The following BUB1B variants were observed in gnomAD, a reference collection of about 807,000 sequenced individuals.
BUB1B encodes the protein BUB1 mitotic checkpoint serine/threonine kinase B, also known as mitotic checkpoint serine/threonine-protein kinase BUB1 beta.
In BUB1B, 86 loss-of-function variants were observed where a neutral mutation model predicts 137.7. The ratio of observed to expected loss-of-function variants is 0.62; its 90% CI spans 0.52 to 0.75. The LOEUF is 0.75. Among genes scored for constraint, BUB1B ranks in the 30% least tolerant of loss-of-function variants. The probability of loss-of-function intolerance (pLI) is 0.00; values close to 1 mark genes in which losing one functional copy is unlikely to be tolerated. For synonymous variants in BUB1B, 420 were observed against 417.9 expected (o/e 1.00, Z -0.06); for missense variants, 1,130 against 1,236.9 (o/e 0.91, Z 1.30).
chr15:40,197,064 C>A (rs1450957835), intron 9 of BUB1B, among the ~76,000 whole-genome samples: 1 of 152,088 alleles, frequency 6.6e-6, no homozygotes, highest in East Asian at 1.9e-4. Flanking sequence ...ACTGTATGAA[C>A]AATTTATATT....
intron 20 of BUB1B, among the ~76,000 whole-genome samples, chr15:40,216,696 G>A (rs2140910678): frequency 6.6e-6 from 1 of 151,166 alleles, no homozygotes; most frequent in South Asian, 2.1e-4. Flanking sequence ...CTGTGCCGTG[G>A]AGGTATGTAA....
At chr15:40,196,470 T>C in intron 8 of BUB1B, 75 bp from the exon 9 acceptor site, 3 of 1,344,360 alleles carry the variant, frequency 2.2e-6, no homozygotes, top group South Asian at 2.4e-5. Context: ...GTAAATTATT[T>C]TTAGCTTCTT....
At chr15:40,219,326 A>T (rs908517860) in intron 22 of BUB1B, among the ~76,000 whole-genome samples, 2 of 152,200 alleles carry the variant, frequency 1.3e-5, no homozygotes, top group Non-Finnish European at 2.9e-5. Flanking sequence ...AGTGGATAGA[A>T]CCAAACCAGA....
At chr15:40,218,646 T>C in intron 22 of BUB1B, 84 bp downstream of exon 22, 2 of 1,029,438 alleles carry the variant, frequency 1.9e-6, no homozygotes, top group East Asian at 2.5e-5. Flanking sequence ...TTGGCAGCCT[T>C]AGTTTTTTAA....
At chr15:40,176,743 A>G in intron 5 of BUB1B, 70 bp downstream of exon 5, 1 of 1,510,566 alleles carries the variant, frequency 6.6e-7, no homozygotes, top group Non-Finnish European at 9.1e-7. Context: ...TTTGCATCTG[A>G]ATAAAGTGCT....
chr15:40,168,315 C>A (rs988894036), intron 2 of BUB1B, among the ~76,000 whole-genome samples: 1 of 151,344 alleles, frequency 6.6e-6, no homozygotes, highest in Non-Finnish European at 1.5e-5. Context: ...TGCAGTGAGC[C>A]GAGATTGTGC....
intron 6 of BUB1B, among the ~76,000 whole-genome samples, chr15:40,184,102 A>G (rs766521802): frequency 2.6e-5 from 4 of 152,190 alleles, no homozygotes; most frequent in Admixed American, 6.5e-5. Flanking sequence ...ACATTTAGGA[A>G]GCATCAAGAT....
chr15:40,184,312 CT>C (rs566826994), intron 6 of BUB1B, among the ~76,000 whole-genome samples: 294 of 144,406 alleles, frequency 2.0e-3, no homozygotes, highest in African/African-American at 1.8e-3. Flanking sequence ...TTAACATGGA[CT>C]TTTTTTTTTT....
At chr15:40,201,904 C>T (rs764390901) in intron 12 of BUB1B, among the ~76,000 whole-genome samples, 3 of 152,016 alleles carry the variant, frequency 2.0e-5, no homozygotes, top group Admixed American at 6.6e-5. Flanking sequence ...CTCCTGACCT[C>T]GTGATCCGCC....
Position 40,213,344 on chromosome 15 carries a change from C to G in BUB1B, c.2548C>G (p.His850Asp). The change falls in exon 20 of 23, where the codon CAC becomes GAC. Residue 850 changes from histidine (H) to aspartate (D), a missense_variant. His to Asp is a moderately conservative substitution (Grantham distance 81, BLOSUM62 -1). Coordinates refer to ENST00000287598, the MANE Select transcript of BUB1B (RefSeq NM_001211.6). ...CTTCAATTTCCAGGATCTTCTCCAACACAGTGAATATATTACCCATGAAAT... is the reference window on the plus strand; with the variant it reads ...CTTCAATTTCCAGGATCTTCTCCAAGACAGTGAATATATTACCCATGAAAT... ...NCFTLQDLLQ[H>D]SEYITHEITV... The G allele has an allele frequency of 6.2e-7, 1 of 1,613,942 alleles. No individual in the cohort carries two copies. Among genetic ancestry groups the G allele is most frequent in the Non-Finnish European group, 8.5e-7 (1 of 1,179,910 alleles).
intron 3 of BUB1B, 23 bp from the exon 4 acceptor site, chr15:40,170,514 C>A (rs749499527): frequency 1.2e-6 from 2 of 1,612,408 alleles, no homozygotes; most frequent in African/African-American, 2.7e-5. Flanking sequence ...AAAATGTGTT[C>A]TTATCTTTTT....
chr15:40,198,773 A>G (rs1308776453), intron 9 of BUB1B, among the ~76,000 whole-genome samples: 1 of 152,164 alleles, frequency 6.6e-6, no homozygotes, highest in Admixed American at 6.5e-5. Flanking sequence ...ATGGCTTACT[A>G]TCTATGCCTC....
Position 40,202,687 on chromosome 15 carries a change from A to T in BUB1B, c.1727A>T (p.Asp576Val). ...ACCTCAAATGAAGATGTGTCTCCAG[A>T]TGTTTGTGTAAGGAGCAGTATCCTT... The part of the protein sequence containing the change: ...SITSNEDVSP[D>V]VCDEFTGIEP... Residue 576 changes from aspartate (D) to valine (V), a missense_variant, in exon 14 of 23, where the codon GAT becomes GTT. Transcript: ENST00000287598. 6.2e-7 allele frequency: 1 copy of T among 1,612,098 alleles called. No individual in the cohort carries two copies. The highest frequency in any genetic ancestry group is 8.5e-7 in the Non-Finnish European group (1 of 1,178,176).
At position 40,202,450 on chromosome 15, in the gene BUB1B, A is replaced by C; in HGVS notation, c.1613A>C (p.Glu538Ala). ...ATTTTTGATGAGTTTCTTCTTTCAG[A>C]AAAGAAGAATAAAAGGTACGTTGTT... Reference protein sequence around the residue: ...FSIFDEFLLSEKKNKSPPADP... With the variant: ...FSIFDEFLLSAKKNKSPPADP... The change falls in exon 13 of 23, where the codon GAA becomes GCA. Residue 538 changes from glutamate to alanine, a missense_variant. Transcript: ENST00000287598. 1 of 1,612,050 alleles carries C rather than the reference A, an allele frequency of 6.2e-7. No homozygotes were observed. The highest frequency in any genetic ancestry group is 1.1e-5 in the South Asian group (1 of 90,582).
intron 2 of BUB1B, among the ~76,000 whole-genome samples, chr15:40,165,978 A>G (rs1181817687): frequency 6.6e-6 from 1 of 151,890 alleles, no homozygotes. Flanking sequence ...TCAGCCTCCC[A>G]AATAGCTGGG....
chr15:40,216,511 A>G (rs1478625606), intron 20 of BUB1B, among the ~76,000 whole-genome samples: 1 of 147,860 alleles, frequency 6.8e-6, no homozygotes, highest in African/African-American at 2.5e-5. Flanking sequence ...TATTTTATAT[A>G]TATCAGAATC....
rs1388148529 is a variant in BUB1B at position 40,185,165 on chromosome 15, C to G, written c.752C>G (p.Ala251Gly). The G allele has an allele frequency of 6.2e-7, 1 of 1,612,912 alleles. No individual in the cohort carries two copies. The highest frequency in any genetic ancestry group is 1.1e-5 in the South Asian group (1 of 91,052). ...GAGGTTTTAATATTTTTGCTCCTAG[C>G]TCCAAGCCAGAACAGAGGACTCCAA... ...PIIRVGGALK[A>G]PSQNRGLQNP... Residue 251 changes from alanine to glycine, a missense_variant and splice_region_variant, in exon 7 of 23, where the codon GCT becomes GGT. Transcript: ENST00000287598.
chr15:40,188,509 T>C (rs1336083288), intron 8 of BUB1B, among the ~76,000 whole-genome samples: 1 of 152,130 alleles, frequency 6.6e-6, no homozygotes, highest in African/African-American at 2.4e-5. Context: ...CCCCCTACTT[T>C]GTCCTTGTCT....
chr15:40,206,762 TTTAATA>T (rs1305665602), intron 15 of BUB1B, among the ~76,000 whole-genome samples: 4 of 152,200 alleles, frequency 2.6e-5, no homozygotes, highest in Non-Finnish European at 4.4e-5. Context: ...TTAGTTTTTC[TTTAATA>T]TTGAGTTTAA....
Sources: allele counts gnomAD v4.1 joint callset (sites outside exome capture counted in the v4.1 genomes callset), GRCh38; gene constraint gnomAD v4.1.1; transcripts MANE v1.5; gene names NCBI Gene and HGNC (gene_info 2026-07-23, HGNC 2026-07-21).